The following STK24 variants were observed in gnomAD, a reference collection of about 807,000 sequenced individuals.
The protein encoded by STK24 is serine/threonine-protein kinase 24.
In STK24, 21 loss-of-function variants were observed where a neutral mutation model predicts 55.6. The observed-to-expected ratio is 0.38, with a 90% CI of 0.27 to 0.54. STK24 has a LOEUF of 0.54. Ranked by LOEUF, STK24 falls within the 20% of genes least tolerant of loss-of-function variation. STK24 has a pLI of 0.79. For synonymous variants in STK24, 200 were observed against 215.2 expected (o/e 0.93, Z 0.62); for missense variants, 383 against 538.4 (o/e 0.71, Z 2.86).
At chr13:98,559,002 TAAAAAAAAAAA>T (rs60756124) in intron 1 of STK24, among the ~76,000 whole-genome samples, 194 of 43,040 alleles carry the variant, frequency 4.5e-3, no homozygotes, top group Middle Eastern at 0.02. Flanking sequence ...CTGTCTCTAC[TAAAAAAAAAAA>T]AAAAAAAAAA....
Position 98,447,981 on chromosome 13 carries a change from C to G in STK24, c.*5192G>C. The G allele has an allele frequency of 1.9e-6, 1 of 532,760 alleles. No homozygotes were observed. Among genetic ancestry groups the G allele is most frequent in the Non-Finnish European group, 3.3e-6 (1 of 299,310 alleles). The allele number at this position is 532,760 out of a possible 1,614,324, so 33.0% of individuals were successfully genotyped here. A position where few individuals can be genotyped will look rare whatever the true frequency, so the allele number is the denominator to read the frequency against. ...CAACCAGAGGCCACCTCGCTCCTAA[C>G]TGCTCCAATGGAGCGGGCAGTGTCA... On this transcript the variant is annotated 3_prime_UTR_variant, in exon 11 of 11. Transcript: ENST00000539966.
At chr13:98,491,949 T>C (rs1159931137) in intron 2 of STK24, among the ~76,000 whole-genome samples, 3 of 152,068 alleles carry the variant, frequency 2.0e-5, no homozygotes, top group Non-Finnish European at 4.4e-5. Flanking sequence ...AATAGTAAAT[T>C]TGAACATACA....
chr13:98,519,138 G>A, intron 2 of STK24, 105 bp downstream of exon 2: 1 of 873,680 alleles, frequency 1.1e-6, no homozygotes, highest in Non-Finnish European at 1.8e-6. Flanking sequence ...ATCTCTCCTT[G>A]CTCTGAAACC....
chr13:98,476,945 C>T (rs113212694), intron 3 of STK24, among the ~76,000 whole-genome samples: 64 of 152,330 alleles, frequency 4.2e-4, no homozygotes, highest in African/African-American at 1.4e-3. Context: ...ATGCACTTGT[C>T]GCTTTTAGTT....
chr13:98,510,792 G>A (rs1280334582), intron 2 of STK24, among the ~76,000 whole-genome samples: 3 of 152,194 alleles, frequency 2.0e-5, no homozygotes, highest in Admixed American at 6.5e-5. Context: ...AGTATCTTTC[G>A]AGGGGATGAA....
intron 1 of STK24, among the ~76,000 whole-genome samples, chr13:98,547,829 C>T (rs1897064196): frequency 6.6e-6 from 1 of 152,198 alleles, no homozygotes; most frequent in Non-Finnish European, 1.5e-5. Context: ...GTGCAAGCAC[C>T]TTTCCTATAC....
At chr13:98,554,120 T>C (rs527898610) in intron 1 of STK24, among the ~76,000 whole-genome samples, 27 of 151,146 alleles carry the variant, frequency 1.8e-4, no homozygotes, top group African/African-American at 5.8e-4. Flanking sequence ...ATGATGATGA[T>C]GAATTGGTCC....
At position 98,453,127 on chromosome 13, in the gene STK24, G is replaced by A. The variant is rs753906036; in HGVS notation, c.*46C>T. Reference sequence around the variant, plus strand: ...TTGACTTTTAAAAAAGGAGGAGGATGAAGAAGGAAAAAAGGAAAAACAAAA... The same window carrying A: ...TTGACTTTTAAAAAAGGAGGAGGATAAAGAAGGAAAAAAGGAAAAACAAAA... On this transcript the variant is annotated 3_prime_UTR_variant, in exon 11 of 11. Transcript: ENST00000539966. The A allele has an allele frequency of 3.7e-6, 6 of 1,607,320 alleles. No individual in the cohort carries two copies. The East Asian group carries it at 1.3e-4, about 36-fold the overall frequency.
chr13:98,569,432 A>AAC, intron 1 of STK24, among the ~76,000 whole-genome samples: 1 of 151,964 alleles, frequency 6.6e-6, no homozygotes, highest in South Asian at 2.1e-4. Context: ...AAAAACAAAA[A>AAC]AAAACAAAAC....
In STK24 at chr13:98,447,478, C is replaced by A. The variant is rs1892920645; in HGVS notation, c.*5695G>T. On this transcript the variant is annotated 3_prime_UTR_variant, in exon 11 of 11. Coordinates refer to ENST00000539966, the MANE Select transcript of STK24 (RefSeq NM_001032296.4). ...TATTGTGACAAAGGGTCCAGCCTTGCAGTCCAGATCCTGAAAGGCCTGGGA... is the reference window on the plus strand; with the variant it reads ...TATTGTGACAAAGGGTCCAGCCTTGAAGTCCAGATCCTGAAAGGCCTGGGA... 6.6e-6 allele frequency: 1 copy of A among 152,420 alleles called. No individual in the cohort carries two copies. 9.4% of individuals were successfully genotyped at this position (152,420 alleles called of 1,614,324 possible).
intron 1 of STK24, among the ~76,000 whole-genome samples, chr13:98,570,366 T>C (rs1897708164): frequency 6.6e-6 from 1 of 152,086 alleles, no homozygotes; most frequent in Non-Finnish European, 1.5e-5. Flanking sequence ...TCCTAAGTAA[T>C]TACAAATAAA....
Position 98,446,271 on chromosome 13 carries a change from C to T in STK24, c.*6902G>A, listed in dbSNP as rs568344132. The T allele has an allele frequency of 1.2e-4, 123 of 1,034,432 alleles. 1 individual carries two copies. Among genetic ancestry groups the T allele is most frequent in the African/African-American group, 3.9e-4 (25 of 63,444 alleles). The allele number at this position is 1,034,432 out of a possible 1,614,324, so 64.1% of individuals were successfully genotyped here. ...GGGTGGCAGCATGAGGTGAGGGGGCCGCCCTCCTCTGGAATGACTCAGGCC... is the reference window on the plus strand; with the variant it reads ...GGGTGGCAGCATGAGGTGAGGGGGCTGCCCTCCTCTGGAATGACTCAGGCC... On this transcript the variant is annotated 3_prime_UTR_variant, in exon 11 of 11. Coordinates refer to ENST00000539966, the MANE Select transcript of STK24 (RefSeq NM_001032296.4).
At chr13:98,512,230 C>T (rs1016661768) in intron 2 of STK24, among the ~76,000 whole-genome samples, 1 of 152,068 alleles carries the variant, frequency 6.6e-6, no homozygotes, top group African/African-American at 2.4e-5. Context: ...GAAAAACAAA[C>T]CCATACATAC....
At chr13:98,506,480 C>T (rs1368527785) in intron 2 of STK24, among the ~76,000 whole-genome samples, 1 of 152,204 alleles carries the variant, frequency 6.6e-6, no homozygotes, top group African/African-American at 2.4e-5. Context: ...CAAAACGAGG[C>T]TCCTGGCAGC....
intron 5 of STK24, among the ~76,000 whole-genome samples, chr13:98,469,558 G>A (rs1303903198): frequency 1.3e-5 from 2 of 151,654 alleles, no homozygotes; most frequent in Non-Finnish European, 1.5e-5. Flanking sequence ...AAAAAAAGGC[G>A]GCGGGGGGAG....
intron 2 of STK24, among the ~76,000 whole-genome samples, chr13:98,503,958 C>T (rs766704347): frequency 3.0e-4 from 45 of 152,160 alleles, no homozygotes; most frequent in Non-Finnish European, 6.0e-4. Context: ...GCCTCCACCT[C>T]CTACACCTGC....
In STK24 at chr13:98,508,799, T is replaced by C. The variant is rs538806545; in HGVS notation, c.273+10444A>G. 13 of 152,350 alleles carry C rather than the reference T, an allele frequency of 8.5e-5. No homozygotes were observed. In the East Asian group the frequency reaches 2.1e-3, roughly 25 times the overall value. 9.4% of individuals were successfully genotyped at this position (152,350 alleles called of 1,614,324 possible). A position where few individuals can be genotyped will look rare whatever the true frequency, so the allele number is the denominator to read the frequency against. ...CTAACCTTCAGGGCCACGCCTCATA[T>C]TTTATTCCCATGAAGCTCCCACTTA... On this transcript the variant is annotated intron_variant, in intron 2 of 10. Coordinates refer to ENST00000539966, the MANE Select transcript of STK24 (RefSeq NM_001032296.4).
At chr13:98,461,417 G>A (rs1267314064) in intron 8 of STK24, among the ~76,000 whole-genome samples, 1 of 152,138 alleles carries the variant, frequency 6.6e-6, no homozygotes, top group African/African-American at 2.4e-5. Flanking sequence ...ACAAAATTAT[G>A]ATATGTATGT....
intron 2 of STK24, among the ~76,000 whole-genome samples, chr13:98,502,171 G>A (rs1187402621): frequency 1.3e-5 from 2 of 152,116 alleles, no homozygotes; most frequent in African/African-American, 4.8e-5. Flanking sequence ...ACTTACTCAG[G>A]GTGACATCTG....
Sources: allele counts gnomAD v4.1 joint callset (sites outside exome capture counted in the v4.1 genomes callset), GRCh38; gene constraint gnomAD v4.1.1; transcripts MANE v1.5; gene names NCBI Gene and HGNC (gene_info 2026-07-23, HGNC 2026-07-21).